The following FHIP2A variants were observed in gnomAD, a reference collection of about 807,000 sequenced individuals.
The protein encoded by FHIP2A is FHF complex subunit HOOK interacting protein 2A, also known as family with sequence similarity 160 member B1.
FHIP2A carries 46 observed loss-of-function variants against 93.5 expected under a neutral mutation model. The observed-to-expected ratio is 0.49, with a 90% confidence interval of 0.39 to 0.63. FHIP2A has a LOEUF of 0.63. FHIP2A is among the 20% of genes least tolerant of loss of function. The pLI, the probability that FHIP2A is intolerant of heterozygous loss-of-function variation, is 0.00. For missense variants in FHIP2A, 769 were observed against 909.7 expected (o/e 0.85, Z 1.99); for synonymous variants, 332 against 326.5 (o/e 1.02, Z -0.18).
chr10:114,849,976 A>G (rs965412113), intron 13 of FHIP2A, among the ~76,000 whole-genome samples: 1 of 152,232 alleles, frequency 6.6e-6, no homozygotes, highest in Non-Finnish European at 1.5e-5. Flanking sequence ...TTATGGCTGA[A>G]TAATATTTTA....
Position 114,876,765 on chromosome 10 carries a change from C to G in FHIP2A, c.2192+15431C>G, listed in dbSNP as rs2083891460. ...CAGGGCTCAGCACGGCCCCCTGGTCCTGTCTACTCTGGTGAGACTTCTTCT... is the reference window on the plus strand; with the variant it reads ...CAGGGCTCAGCACGGCCCCCTGGTCGTGTCTACTCTGGTGAGACTTCTTCT... On this transcript the variant is annotated intron_variant, in intron 16 of 16. Coordinates refer to the FHIP2A transcript ENST00000369250. Among the ~76,000 whole-genome samples the G allele has an allele frequency of 3.3e-5, 5 of 152,170 alleles. No individual in the cohort carries two copies. In the South Asian group the frequency reaches 1.0e-3, roughly 31 times the overall value.
intron 8 of FHIP2A, 128 bp downstream of exon 8, chr10:114,845,609 T>C (rs3758603): frequency 0.44 from 273,522 of 623,362 alleles, 62,372 homozygotes; most frequent in Non-Finnish European, 0.48. Context: ...GTAAAATAAG[T>C]AAACAAAAAA....
Position 114,848,752 on chromosome 10 carries a change from T to G in FHIP2A, c.1803+15T>G. 1 of 1,560,994 alleles carries G rather than the reference T, an allele frequency of 6.4e-7. No homozygotes were observed. Among genetic ancestry groups the G allele is most frequent in the Non-Finnish European group, 8.8e-7 (1 of 1,133,374 alleles). The stretch of plus-strand genomic sequence containing the variant: ...CTCATAGGCAGGTAGGTGAAGTCAC[T>G]AAATGTTGGAAATGAAATCTAAGAA... On this transcript the variant is annotated intron_variant, in intron 13 of 16. Transcript: ENST00000369248.
At chr10:114,898,203 C>A (rs1207688451) in intron 16 of FHIP2A, among the ~76,000 whole-genome samples, 1 of 152,148 alleles carries the variant, frequency 6.6e-6, no homozygotes, top group Non-Finnish European at 1.5e-5. Flanking sequence ...GGACCCTATA[C>A]ATGTTGACCT....
chr10:114,851,447 T>A (rs1242769717), intron 13 of FHIP2A, among the ~76,000 whole-genome samples: 1 of 152,092 alleles, frequency 6.6e-6, no homozygotes, highest in Non-Finnish European at 1.5e-5. Flanking sequence ...AGACATCCAG[T>A]TGTCTCTGCA....
At chr10:114,822,174 A>G in intron 1 of FHIP2A, 51 bp downstream of exon 1, 4 of 1,163,818 alleles carry the variant, frequency 3.4e-6, no homozygotes, top group Non-Finnish European at 4.4e-6. Context: ...GCGGCGGCCT[A>G]CGCTCCCCGG....
chr10:114,880,680 A>AACACACACACACACAC (rs71473073), intron 16 of FHIP2A, among the ~76,000 whole-genome samples: 5,155 of 144,046 alleles, frequency 0.036, 122 homozygotes, highest in African/African-American at 0.059. Flanking sequence ...ACTCCATGTC[A>AACACACACACACACAC]ACACACACAC....
chr10:114,875,565 G>A (rs896375284), intron 16 of FHIP2A, among the ~76,000 whole-genome samples: 2 of 152,014 alleles, frequency 1.3e-5, no homozygotes, highest in Admixed American at 6.6e-5. Flanking sequence ...GCATGATGGC[G>A]GGTGCCTGTA....
At chr10:114,881,495 C>G (rs540040535) in intron 16 of FHIP2A, among the ~76,000 whole-genome samples, 21 of 152,024 alleles carry the variant, frequency 1.4e-4, no homozygotes, top group Non-Finnish European at 2.6e-4. Context: ...GAGGGTTGCC[C>G]AGGATTCCCC....
intron 16 of FHIP2A, among the ~76,000 whole-genome samples, chr10:114,897,261 T>C (rs1052669925): frequency 1.3e-5 from 2 of 152,172 alleles, no homozygotes; most frequent in South Asian, 2.1e-4. Context: ...TGCTAGCCAA[T>C]TGGGACAAAT....
In FHIP2A at chr10:114,861,427, C is replaced by T; in HGVS notation, c.2193-8C>T. On this transcript the variant is annotated splice_region_variant and splice_polypyrimidine_tract_variant and intron_variant, in intron 16 of 16. Coordinates refer to ENST00000369248, the MANE Select transcript of FHIP2A (RefSeq NM_020940.4). Reference sequence around the variant, plus strand: ...GAATTGATTTATTGTCTGTTTTTTCCTTACCAGTATTGACCACATCACACT... The same window carrying T: ...GAATTGATTTATTGTCTGTTTTTTCTTTACCAGTATTGACCACATCACACT... 2 of 1,613,616 alleles carry T rather than the reference C, an allele frequency of 1.2e-6. No individual in the cohort carries two copies. Among genetic ancestry groups the T allele is most frequent in the Non-Finnish European group, 1.7e-6 (2 of 1,179,856 alleles).
chr10:114,838,773 A>G (rs976609538), intron 5 of FHIP2A, among the ~76,000 whole-genome samples: 1 of 152,174 alleles, frequency 6.6e-6, no homozygotes, highest in African/African-American at 2.4e-5. Flanking sequence ...CTGTCTTCGG[A>G]AAAACATTTA....
At chr10:114,860,284 CTAGTT>C (rs2083789765) in intron 14 of FHIP2A, among the ~76,000 whole-genome samples, 1 of 152,044 alleles carries the variant, frequency 6.6e-6, no homozygotes, top group Non-Finnish European at 1.5e-5. Context: ...ATGATGAGAG[CTAGTT>C]TAGTTGTAGA....
chr10:114,856,801 C>G (rs1157557975), intron 14 of FHIP2A, among the ~76,000 whole-genome samples: 2 of 152,190 alleles, frequency 1.3e-5, no homozygotes, highest in Non-Finnish European at 2.9e-5. Context: ...GATTCATAGA[C>G]TGTTTCAGTC....
At chr10:114,857,370 G>A (rs1300502127) in intron 14 of FHIP2A, among the ~76,000 whole-genome samples, 1 of 142,084 alleles carries the variant, frequency 7.0e-6, no homozygotes, top group African/African-American at 2.6e-5. Flanking sequence ...GAATGCAGTG[G>A]TGTGATCTTG....
chr10:114,865,333 A>G (rs972438525), downstream of FHIP2A, among the ~76,000 whole-genome samples: 2 of 152,170 alleles, frequency 1.3e-5, no homozygotes, highest in Non-Finnish European at 1.5e-5. Flanking sequence ...TATTTTTCTA[A>G]CATATATAAA....
rs1033015806 is a variant in FHIP2A, at chr10:114,863,063, G to C, written c.*1523G>C. On this transcript the variant is annotated 3_prime_UTR_variant, in exon 17 of 17. Transcript: ENST00000369248. ...TATCAAAAGATTATGAATAGCCTCA[G>C]CTCTAGAATGCTTACCACTGTTAAA... 2 of 984,088 alleles carry C rather than the reference G, an allele frequency of 2.0e-6. No individual in the cohort carries two copies. The allele number at this position is 984,088 out of a possible 1,614,324, so 61.0% of individuals were successfully genotyped here. A position where few individuals can be genotyped will look rare whatever the true frequency, so the allele number is the denominator to read the frequency against.
At chr10:114,844,979 TAGAG>T (rs10540980) in intron 7 of FHIP2A, among the ~76,000 whole-genome samples, 10,112 of 143,840 alleles carry the variant, frequency 0.07, 756 homozygotes, top group African/African-American at 0.17. Flanking sequence ...GTATTTTTAG[TAGAG>T]AGAGAGAGAG....
At chr10:114,823,828 A>T (rs1185177255) in intron 1 of FHIP2A, among the ~76,000 whole-genome samples, 5 of 152,070 alleles carry the variant, frequency 3.3e-5, no homozygotes, top group Non-Finnish European at 7.4e-5. Flanking sequence ...TATATGAAAT[A>T]CTTGGGAACA....
Sources: allele counts gnomAD v4.1 joint callset (sites outside exome capture counted in the v4.1 genomes callset), GRCh38; gene constraint gnomAD v4.1.1; transcripts MANE v1.5; gene names NCBI Gene and HGNC (gene_info 2026-07-23, HGNC 2026-07-21).